PLPPR1: variants seen among roughly 807,000 people sequenced by gnomAD.
The protein encoded by PLPPR1 is phospholipid phosphatase-related protein type 1.
PLPPR1 carries 10 observed loss-of-function variants against 33.1 expected under a neutral mutation model. The observed-to-expected ratio is 0.30, with a 90% CI of 0.19 to 0.51. The LOEUF (loss-of-function observed/expected upper bound fraction) is 0.51, where lower values mean the gene tolerates loss of function less well. Among genes scored for constraint, PLPPR1 ranks in the 20% least tolerant of loss-of-function variants. PLPPR1 has a pLI of 0.97. For missense variants in PLPPR1, 304 were observed against 408.1 expected, an observed-to-expected ratio of 0.74 and a Z score of 2.20; for synonymous variants, 151 against 151.0, an observed-to-expected ratio of 1.00 and a Z score of 0.00.
chr9:101,082,598 A>C (rs1295948617), intron 1 of PLPPR1, among the ~76,000 whole-genome samples: 1 of 152,188 alleles, frequency 6.6e-6, no homozygotes, highest in Non-Finnish European at 1.5e-5. Flanking sequence ...GTGAAAATAA[A>C]GTTGTCATTT....
chr9:101,109,677 C>G (rs1446647330), intron 1 of PLPPR1, among the ~76,000 whole-genome samples: 2 of 152,092 alleles, frequency 1.3e-5, no homozygotes, highest in African/African-American at 4.8e-5. Context: ...TTTAGCATTC[C>G]CATGGCAAGA....
At chr9:101,183,729 C>A in intron 1 of PLPPR1, among the ~76,000 whole-genome samples, 1 of 149,282 alleles carries the variant, frequency 6.7e-6, no homozygotes, top group African/African-American at 2.5e-5. Flanking sequence ...GTGTGTGTAG[C>A]CATATACATA....
intron 1 of PLPPR1, among the ~76,000 whole-genome samples, chr9:101,092,260 T>C (rs962180419): frequency 2.0e-5 from 3 of 152,214 alleles, no homozygotes; most frequent in African/African-American, 4.8e-5. Context: ...CAAATTGTTA[T>C]ATGTCCCTAC....
At chr9:101,190,045 G>A (rs1294055127) in intron 2 of PLPPR1, among the ~76,000 whole-genome samples, 1 of 152,044 alleles carries the variant, frequency 6.6e-6, no homozygotes, top group Non-Finnish European at 1.5e-5. Flanking sequence ...TATCACTTTG[G>A]AGGAATTTTG....
intron 2 of PLPPR1, among the ~76,000 whole-genome samples, chr9:101,244,299 G>T (rs542818018): frequency 6.6e-6 from 1 of 152,014 alleles, no homozygotes; most frequent in East Asian, 1.9e-4. Flanking sequence ...ATCAAAGCAT[G>T]GCTTTATTTT....
At chr9:101,320,518 C>T (rs554584407) in intron 7 of PLPPR1, among the ~76,000 whole-genome samples, 6 of 152,234 alleles carry the variant, frequency 3.9e-5, no homozygotes, top group Admixed American at 2.0e-4. Context: ...TGAACATCCA[C>T]GGAAAGTAGA....
intron 1 of PLPPR1, among the ~76,000 whole-genome samples, chr9:101,134,196 G>A (rs927647833): frequency 1.3e-5 from 2 of 152,130 alleles, no homozygotes. Flanking sequence ...CAGCCTTCAA[G>A]CCAAACTGAC....
At chr9:101,233,540 A>T (rs1197069524) in intron 2 of PLPPR1, among the ~76,000 whole-genome samples, 1 of 151,948 alleles carries the variant, frequency 6.6e-6, no homozygotes, top group Non-Finnish European at 1.5e-5. Context: ...AACAGTATTA[A>T]GACGTAGGAC....
At chr9:101,322,414 A>G (rs2118975042) in intron 7 of PLPPR1, 1 of 152,112 alleles carries the variant, frequency 6.6e-6, no homozygotes, top group Admixed American at 6.6e-5. Flanking sequence ...GAATGCTTCC[A>G]TTTGATGAAC....
rs374760185 is a variant in PLPPR1, at chr9:101,317,539, C to G, written c.945+43C>G. The G allele has an allele frequency of 4.3e-4, 686 of 1,589,052 alleles. 8 individuals are homozygous for G. In the South Asian group the frequency reaches 6.2e-3, roughly 14 times the overall value. ...TAGCAAACCAAACCCACAGGCTGAA[C>G]ACTTTGGGAGGTCAGTATCAATCCA... is the stretch of plus-strand genomic sequence containing the variant. On this transcript the variant is annotated intron_variant, in intron 7 of 7. Coordinates refer to ENST00000374874, the MANE Select transcript of PLPPR1 (RefSeq NM_207299.2).
chr9:101,065,017 A>G lies in PLPPR1; in HGVS notation c.-46+35915A>G, dbSNP rs146028070. On this transcript the variant is annotated intron_variant, in intron 1 of 7. Coordinates refer to ENST00000374874, the MANE Select transcript of PLPPR1 (RefSeq NM_207299.2). Reference sequence around the variant, plus strand: ...CTCAACACGTCTACACTGGGGACCAACTTTTTAAGACATGAACTTTTAGGG... The same window carrying G: ...CTCAACACGTCTACACTGGGGACCAGCTTTTTAAGACATGAACTTTTAGGG... Among the ~76,000 whole-genome samples, 33 of 152,248 alleles carry G rather than the reference A, an allele frequency of 2.2e-4. No homozygotes were observed. In the East Asian group the frequency reaches 6.0e-3, roughly 28 times the overall value.
At chr9:101,036,571 GAAAACTATTCC>G (rs1408654436) in intron 1 of PLPPR1, among the ~76,000 whole-genome samples, 1 of 152,006 alleles carries the variant, frequency 6.6e-6, no homozygotes, top group Admixed American at 6.6e-5. Flanking sequence ...GAAAAGAGAA[GAAAACTATTCC>G]ATTTATAAAC....
chr9:101,295,124 T>C (rs1417781061), intron 4 of PLPPR1, among the ~76,000 whole-genome samples: 4 of 151,898 alleles, frequency 2.6e-5, no homozygotes, highest in Non-Finnish European at 4.4e-5. Context: ...AAAATCAATG[T>C]ACAAAAATCA....
At chr9:101,293,009 C>A (rs953800048) in intron 4 of PLPPR1, among the ~76,000 whole-genome samples, 3 of 152,056 alleles carry the variant, frequency 2.0e-5, no homozygotes, top group Non-Finnish European at 4.4e-5. Context: ...CACAGACTGG[C>A]AAATTGGATA....
intron 1 of PLPPR1, among the ~76,000 whole-genome samples, chr9:101,060,261 G>A (rs1025851503): frequency 6.6e-6 from 1 of 151,934 alleles, no homozygotes; most frequent in Non-Finnish European, 1.5e-5. Flanking sequence ...TACGTGGAGT[G>A]TCAAATAGTT....
intron 4 of PLPPR1, among the ~76,000 whole-genome samples, chr9:101,294,903 T>G (rs930264084): frequency 1.3e-5 from 2 of 152,158 alleles, no homozygotes; most frequent in African/African-American, 2.4e-5. Flanking sequence ...AGACAGGGAT[T>G]CCCTGTCTAC....
intron 1 of PLPPR1, among the ~76,000 whole-genome samples, chr9:101,175,669 C>A (rs1301606139): frequency 6.6e-6 from 1 of 152,124 alleles, no homozygotes; most frequent in Non-Finnish European, 1.5e-5. Context: ...TAATGGGATA[C>A]CTGGCATAAT....
At chr9:101,253,361 A>C (rs1044448349) in intron 2 of PLPPR1, among the ~76,000 whole-genome samples, 3 of 152,050 alleles carry the variant, frequency 2.0e-5, no homozygotes, top group African/African-American at 7.2e-5. Context: ...CAACCTGGCC[A>C]ACATGGTGAA....
chr9:101,238,594 C>G (rs916730222), intron 2 of PLPPR1, among the ~76,000 whole-genome samples: 1 of 151,200 alleles, frequency 6.6e-6, no homozygotes, highest in Non-Finnish European at 1.5e-5. Context: ...TACACATGGA[C>G]GTAGAGAGTG....
Sources: allele counts gnomAD v4.1 joint callset (sites outside exome capture counted in the v4.1 genomes callset), GRCh38; gene constraint gnomAD v4.1.1; transcripts MANE v1.5; gene names NCBI Gene and HGNC (gene_info 2026-07-23, HGNC 2026-07-21).